The following SYN3 variants were observed in gnomAD, a reference collection of about 807,000 sequenced individuals.
SYN3 encodes synapsin-3.
A neutral mutation model predicts 65.8 loss-of-function variants in SYN3; 35 were observed. The ratio of observed to expected loss-of-function variants is 0.53; its 90% CI spans 0.41 to 0.70. The LOEUF (loss-of-function observed/expected upper bound fraction) is 0.70. SYN3 is among the 30% of genes least tolerant of loss of function. The probability of loss-of-function intolerance (pLI) is 0.00; values close to 1 mark genes in which losing one functional copy is unlikely to be tolerated. For missense variants in SYN3, 680 were observed against 749.0 expected, an observed-to-expected ratio of 0.91 and a Z score of 1.08; for synonymous variants, 270 against 292.9, an observed-to-expected ratio of 0.92 and a Z score of 0.80.
At chr22:32,613,161 G>A (rs1286705904) in intron 6 of SYN3, among the ~76,000 whole-genome samples, 1 of 151,822 alleles carries the variant, frequency 6.6e-6, no homozygotes, top group Non-Finnish European at 1.5e-5. Context: ...CTGTGGAACT[G>A]TGACTCAATT....
chr22:33,024,461 G>C (rs1440899951), intron 1 of SYN3, among the ~76,000 whole-genome samples: 2 of 145,216 alleles, frequency 1.4e-5, no homozygotes, highest in African/African-American at 5.3e-5. Context: ...ACTGCAGCTG[G>C]TCTTGATCTC....
chr22:32,838,314 C>T (rs2047796009), intron 6 of SYN3, among the ~76,000 whole-genome samples: 1 of 152,098 alleles, frequency 6.6e-6, no homozygotes, highest in Non-Finnish European at 1.5e-5. Context: ...GGACACAGGA[C>T]CTGGAGATGG....
intron 6 of SYN3, among the ~76,000 whole-genome samples, chr22:32,646,974 C>A (rs2059992402): frequency 6.6e-6 from 1 of 152,148 alleles, no homozygotes. Flanking sequence ...TCCCCTGAAG[C>A]CCCCTGCCTT....
At chr22:32,764,911 T>C (rs1405785961) in intron 6 of SYN3, among the ~76,000 whole-genome samples, 1 of 152,024 alleles carries the variant, frequency 6.6e-6, no homozygotes, top group African/African-American at 2.4e-5. Flanking sequence ...AGCTCTTAAG[T>C]AGGTTGTGAA....
chr22:32,833,226 C>T (rs1364241437), intron 6 of SYN3, among the ~76,000 whole-genome samples: 1 of 152,094 alleles, frequency 6.6e-6, no homozygotes, highest in African/African-American at 2.4e-5. Flanking sequence ...TCATTGGCCC[C>T]CAGCAAGACT....
intron 7 of SYN3, among the ~76,000 whole-genome samples, chr22:32,591,236 A>T (rs1250155665): frequency 7.2e-6 from 1 of 138,024 alleles, no homozygotes; most frequent in Non-Finnish European, 1.5e-5. Flanking sequence ...GGCTGCATTT[A>T]AAAAAAAAAA....
At chr22:32,683,044 T>C (rs2060544314) in intron 6 of SYN3, among the ~76,000 whole-genome samples, 1 of 152,180 alleles carries the variant, frequency 6.6e-6, no homozygotes, top group African/African-American at 2.4e-5. Flanking sequence ...CTCCAAGAAC[T>C]GGAAGGTCAT....
chr22:33,029,017 G>A (rs1177868251), intron 1 of SYN3, among the ~76,000 whole-genome samples: 1 of 151,644 alleles, frequency 6.6e-6, no homozygotes, highest in Non-Finnish European at 1.5e-5. Flanking sequence ...TACAGCCTGG[G>A]TGACAGAGCG....
chr22:32,629,153 C>T (rs1405027529), intron 6 of SYN3, among the ~76,000 whole-genome samples: 1 of 152,186 alleles, frequency 6.6e-6, no homozygotes, highest in African/African-American at 2.4e-5. Flanking sequence ...ACTCAGAAAT[C>T]GCTTTGGATT....
intron 3 of SYN3, among the ~76,000 whole-genome samples, chr22:32,956,302 C>T (rs2051462992): frequency 6.6e-6 from 1 of 151,666 alleles, no homozygotes; most frequent in Non-Finnish European, 1.5e-5. Context: ...ATTACAGGTG[C>T]CCACCACCAC....
At chr22:32,963,385 C>T (rs2051722823) in intron 3 of SYN3, among the ~76,000 whole-genome samples, 1 of 151,734 alleles carries the variant, frequency 6.6e-6, no homozygotes, top group Non-Finnish European at 1.5e-5. Context: ...CTGTGCCTGG[C>T]CCAAAATACT....
intron 4 of SYN3, among the ~76,000 whole-genome samples, chr22:32,912,143 A>G (rs2050066931): frequency 6.6e-6 from 1 of 152,202 alleles, no homozygotes; most frequent in African/African-American, 2.4e-5. Context: ...TGGGAGCTAT[A>G]CATATAGTTC....
At chr22:32,543,555 TC>T (rs2058291848) in intron 7 of SYN3, among the ~76,000 whole-genome samples, 1 of 152,182 alleles carries the variant, frequency 6.6e-6, no homozygotes, top group Admixed American at 6.5e-5. Context: ...CCAGCCCTTT[TC>T]AAACTCAGCT....
At chr22:32,602,751 C>T (rs550100045) in intron 6 of SYN3, among the ~76,000 whole-genome samples, 2 of 152,334 alleles carry the variant, frequency 1.3e-5, no homozygotes, top group African/African-American at 2.4e-5. Context: ...TCAGCTACCG[C>T]GCCCAGCCAA....
intron 6 of SYN3, among the ~76,000 whole-genome samples, chr22:32,647,064 C>T (rs2059993896): frequency 6.6e-6 from 1 of 152,192 alleles, no homozygotes; most frequent in Non-Finnish European, 1.5e-5. Flanking sequence ...CTGTAACTGC[C>T]AAAGGCTTGG....
chr22:32,921,454 T>G (rs1286522227), intron 4 of SYN3, among the ~76,000 whole-genome samples: 2 of 152,184 alleles, frequency 1.3e-5, no homozygotes, highest in Non-Finnish European at 2.9e-5. Context: ...AATCTCTACA[T>G]ACTGCTGCTT....
intron 6 of SYN3, among the ~76,000 whole-genome samples, chr22:32,751,812 A>G (rs1186099176): frequency 6.6e-6 from 1 of 152,240 alleles, no homozygotes; most frequent in East Asian, 1.9e-4. Context: ...TATGATGGCC[A>G]TAGTGATGGT....
chr22:32,915,240 C>G (rs182259854), intron 4 of SYN3, among the ~76,000 whole-genome samples: 87 of 152,242 alleles, frequency 5.7e-4, no homozygotes, highest in Middle Eastern at 6.8e-3. Context: ...CCTGCACCTT[C>G]TGTACATGTA....
At position 32,908,609 on chromosome 22, in the gene SYN3, G is replaced by C. The variant is rs528398452; in HGVS notation, c.461+22781C>G. Reference sequence around the variant, plus strand: ...AATTATAGCCCAGAGGTCCTATCTGGCTTATCACCTGTTTTTGTAAATAAA... The same window carrying C: ...AATTATAGCCCAGAGGTCCTATCTGCCTTATCACCTGTTTTTGTAAATAAA... On this transcript the variant is annotated intron_variant, in intron 4 of 13. Coordinates refer to ENST00000358763, the MANE Select transcript of SYN3 (RefSeq NM_003490.4). Among the ~76,000 whole-genome samples the C allele has an allele frequency of 2.6e-5, 4 of 152,148 alleles. No individual in the cohort carries two copies. In the East Asian group the frequency reaches 7.7e-4, roughly 29 times the overall value.
Sources: allele counts gnomAD v4.1 joint callset (sites outside exome capture counted in the v4.1 genomes callset), GRCh38; gene constraint gnomAD v4.1.1; transcripts MANE v1.5; gene names NCBI Gene and HGNC (gene_info 2026-07-23, HGNC 2026-07-21).